Variants in GLMN observed in about 807,000 individuals in gnomAD.
GLMN encodes glomulin, FKBP associated protein.
A neutral mutation model predicts 87.8 loss-of-function variants in GLMN; 75 were observed. The ratio of observed to expected loss-of-function variants is 0.85; its 90% CI spans 0.71 to 1.04. The LOEUF (loss-of-function observed/expected upper bound fraction) is 1.04, where lower values mean the gene tolerates loss of function less well. Ranked by LOEUF, GLMN falls within the 50% of genes least tolerant of loss-of-function variation. The probability of loss-of-function intolerance (pLI) is 0.00; values close to 1 mark genes in which losing one functional copy is unlikely to be tolerated. For synonymous variants in GLMN, 206 were observed against 221.6 expected (o/e 0.93, Z 0.63); for missense variants, 588 against 658.8 (o/e 0.89, Z 1.18).
chr1:92,366,731 A>G, the GLMN span, among the ~76,000 whole-genome samples: 1 of 152,246 alleles, frequency 6.6e-6, no homozygotes, highest in East Asian at 1.9e-4. Flanking sequence ...TACAGATAAA[A>G]TTCCTTTTGA....
the GLMN span, among the ~76,000 whole-genome samples, chr1:92,344,526 AT>A: frequency 6.6e-6 from 1 of 152,108 alleles, no homozygotes; most frequent in Non-Finnish European, 1.5e-5. Flanking sequence ...GCCACAGTTT[AT>A]TTTTCTATTA....
chr1:92,279,601 G>A (rs765740297), intron 7 of GLMN, among the ~76,000 whole-genome samples: 26 of 152,100 alleles, frequency 1.7e-4, no homozygotes, highest in East Asian at 3.9e-4. Context: ...CACTGGGACT[G>A]GTTGGACAGT....
chr1:92,279,975 G>A (rs771540715), intron 7 of GLMN, among the ~76,000 whole-genome samples: 7 of 152,254 alleles, frequency 4.6e-5, no homozygotes, highest in African/African-American at 2.4e-5. Context: ...AAACTGGGCG[G>A]AGCCCACCGC....
chr1:92,348,896 G>T, the GLMN span, among the ~76,000 whole-genome samples: 1 of 152,142 alleles, frequency 6.6e-6, no homozygotes, highest in Non-Finnish European at 1.5e-5. Context: ...GCAAAAACAG[G>T]CATGAAGGCC....
chr1:92,286,053 A>G (rs1648710498), intron 7 of GLMN, among the ~76,000 whole-genome samples: 2 of 151,988 alleles, frequency 1.3e-5, no homozygotes, highest in South Asian at 2.1e-4. Context: ...TTAACAGTTA[A>G]AAAAAGAAAA....
chr1:92,298,697 G>C (rs1650481681), intron 1 of GLMN, among the ~76,000 whole-genome samples: 1 of 152,170 alleles, frequency 6.6e-6, no homozygotes, highest in South Asian at 2.1e-4. Flanking sequence ...CCCTCAGTAG[G>C]GGCGCGAGTC....
chr1:92,280,570 T>C (rs1012006172), intron 7 of GLMN, among the ~76,000 whole-genome samples: 1 of 152,162 alleles, frequency 6.6e-6, no homozygotes, highest in African/African-American at 2.4e-5. Flanking sequence ...TTTCAAAGGA[T>C]CACAGCTCCT....
intron 4 of GLMN, among the ~76,000 whole-genome samples, chr1:92,291,210 T>C (rs1557567323): frequency 6.6e-6 from 1 of 152,214 alleles, no homozygotes; most frequent in South Asian, 2.1e-4. Context: ...TAATATGAGG[T>C]TAGACAATTC....
chr1:92,338,467 A>G, the GLMN span, among the ~76,000 whole-genome samples: 38 of 152,202 alleles, frequency 2.5e-4, no homozygotes, highest in African/African-American at 8.7e-4. Context: ...TGCATCCAAA[A>G]GGAGATAAAA....
chr1:92,278,141 G>A (rs1307869017), intron 7 of GLMN, among the ~76,000 whole-genome samples: 2 of 152,164 alleles, frequency 1.3e-5, no homozygotes, highest in African/African-American at 2.4e-5. Flanking sequence ...TACATCTGGT[G>A]TCAGAAACTT....
At chr1:92,359,234 AG>A in the GLMN span, among the ~76,000 whole-genome samples, 2 of 152,270 alleles carry the variant, frequency 1.3e-5, no homozygotes, top group Non-Finnish European at 1.5e-5. Flanking sequence ...ATATTAAGAC[AG>A]GTGGCTGTGA....
At chr1:92,309,254 C>T in the GLMN span, among the ~76,000 whole-genome samples, 10 of 151,956 alleles carry the variant, frequency 6.6e-5, no homozygotes, top group Non-Finnish European at 1.5e-4. Flanking sequence ...CCATCCTGGC[C>T]AACATGGTGA....
Position 92,286,578 on chromosome 1 carries a change from A to T in GLMN, c.647T>A (p.Leu216Ter). The change falls in exon 7 of 19, where the codon TTG (leucine) becomes TAG (stop). Residue 216 changes from leucine to a stop codon, truncating the protein, a stop_gained. Transcript: ENST00000370360. LOFTEE classifies it high-confidence loss of function. ...TTGTGCTGTCAGCAAAGGGCATTTC[A>T]AGCTTTTGAAACAACTAAGGCATAA... ...DELLKFCFKS[L>*]KCPLLTAQFF... 1 of 1,580,818 alleles carries T rather than the reference A, an allele frequency of 6.3e-7. No homozygotes were observed. The highest frequency in any genetic ancestry group is 8.7e-7 in the Non-Finnish European group (1 of 1,150,114).
intron 7 of GLMN, among the ~76,000 whole-genome samples, chr1:92,283,796 A>G (rs1251292969): frequency 1.3e-5 from 2 of 152,224 alleles, no homozygotes; most frequent in Admixed American, 1.3e-4. Context: ...ATCAATGTGC[A>G]AAAATCACAA....
chr1:92,291,244 T>C (rs1649364955), intron 4 of GLMN, among the ~76,000 whole-genome samples, 174 bp downstream of exon 4: 1 of 152,182 alleles, frequency 6.6e-6, no homozygotes, highest in Non-Finnish European at 1.5e-5. Context: ...ATTTGGGAAA[T>C]CCTGAAATGG....
At chr1:92,294,762 T>TCC (rs1388393582) in intron 3 of GLMN, among the ~76,000 whole-genome samples, 1 of 152,064 alleles carries the variant, frequency 6.6e-6, no homozygotes, top group Non-Finnish European at 1.5e-5. Flanking sequence ...CACTGCAGCC[T>TCC]CCACCTCCTG....
intron 18 of GLMN, 145 bp from the exon 19 acceptor site, chr1:92,246,791 G>A (rs1162140991): frequency 2.8e-6 from 2 of 706,638 alleles, no homozygotes; most frequent in East Asian, 5.4e-5. Context: ...TGTGCTTTGG[G>A]AGGCTGAGCT....
At chr1:92,305,873 G>T in the GLMN span, among the ~76,000 whole-genome samples, 1 of 152,156 alleles carries the variant, frequency 6.6e-6, no homozygotes, top group Non-Finnish European at 1.5e-5. Flanking sequence ...TTGAGAAATG[G>T]CTTGGCATTT....
In GLMN at chr1:92,267,894, G is replaced by T. The variant is rs751518586; in HGVS notation, c.1098+19C>A. On this transcript the variant is annotated intron_variant, in intron 11 of 18. Coordinates refer to ENST00000370360, the MANE Select transcript of GLMN (RefSeq NM_053274.3). ...AGGCAAAGGGCTATTTTCAATATTA[G>T]AATACATATTTTATTTACCTGAGGT... is the stretch of plus-strand genomic sequence containing the variant. 20 of 1,106,418 alleles carry T rather than the reference G, an allele frequency of 1.8e-5. No homozygotes were observed. Among genetic ancestry groups the T allele is most frequent in the Non-Finnish European group, 2.7e-5 (19 of 716,862 alleles). The allele number at this position is 1,106,418 out of a possible 1,614,324, so 68.5% of individuals were successfully genotyped here.
Sources: gnomAD v4.1 joint callset for allele counts (sites outside exome capture counted in the v4.1 genomes callset) on GRCh38, gnomAD v4.1.1 for gene constraint, MANE v1.5 for transcripts, NCBI Gene and HGNC (gene_info 2026-07-23, HGNC 2026-07-21) for gene names.